RALA: variants seen among roughly 807,000 people sequenced by gnomAD.
RALA encodes the protein ras-related protein Ral-A.
RALA carries 5 observed loss-of-function variants against 24.0 expected under a neutral mutation model. The observed-to-expected ratio is 0.21, with a 90% CI of 0.11 to 0.44. The LOEUF (loss-of-function observed/expected upper bound fraction) is 0.44. Among genes scored for constraint, RALA ranks in the 20% least tolerant of loss-of-function variants. The pLI, the probability that RALA is intolerant of heterozygous loss-of-function variation, is 0.99. For missense variants in RALA, 95 were observed against 241.2 expected (o/e 0.39, Z 4.01); for synonymous variants, 77 against 83.8 (o/e 0.92, Z 0.44).
intron 1 of RALA, among the ~76,000 whole-genome samples, chr7:39,631,408 G>A (rs1791597002): frequency 6.6e-6 from 1 of 152,006 alleles, no homozygotes; most frequent in South Asian, 2.1e-4. Context: ...GCCCAGGCTG[G>A]AGTGCAGTGG....
intron 1 of RALA, among the ~76,000 whole-genome samples, chr7:39,635,261 G>C (rs939423627): frequency 2.0e-5 from 3 of 152,222 alleles, no homozygotes; most frequent in Admixed American, 1.3e-4. Flanking sequence ...TGTAGTCCTA[G>C]CTACTCGGGA....
chr7:39,698,632 C>T (rs187712164), intron 4 of RALA, among the ~76,000 whole-genome samples: 152 of 152,176 alleles, frequency 1.0e-3, no homozygotes, highest in African/African-American at 3.6e-3. Context: ...CTTTTCTAAT[C>T]GATGTTTCGA....
chr7:39,697,407 G>C, intron 4 of RALA: 1 of 456,680 alleles, frequency 2.2e-6, no homozygotes, highest in Non-Finnish European at 4.4e-6. Context: ...GCTTTGTTCA[G>C]AGTGGCCCTT....
In RALA at chr7:39,702,335, T is replaced by G. The variant is rs958377133; in HGVS notation, c.499-3788T>G. On this transcript the variant is annotated intron_variant, in intron 4 of 4. Transcript: ENST00000005257. Reference sequence around the variant, plus strand: ...CTAAGGGAAAGTTTGCATTTGCTTGTTTTTTCTTCCTGTATTAATAGGATT... The same window carrying G: ...CTAAGGGAAAGTTTGCATTTGCTTGGTTTTTCTTCCTGTATTAATAGGATT... 2.0e-5 allele frequency among the ~76,000 whole-genome samples: 3 copies of G among 152,292 alleles called. 1 individual carries two copies. In the Middle Eastern group the frequency reaches 0.01, roughly 518 times the overall value.
At chr7:39,692,754 T>C (rs1792845028) in intron 3 of RALA, among the ~76,000 whole-genome samples, 1 of 152,190 alleles carries the variant, frequency 6.6e-6, no homozygotes, top group Non-Finnish European at 1.5e-5. Flanking sequence ...TTAGTAGGTA[T>C]TTATTAAGAA....
chr7:39,629,478 G>A (rs534871054), intron 1 of RALA, among the ~76,000 whole-genome samples: 14 of 151,882 alleles, frequency 9.2e-5, no homozygotes, highest in South Asian at 2.1e-4. Context: ...GCAGTGGCAC[G>A]ATCTCTGCTC....
chr7:39,663,251 G>A (rs1390157877), intron 1 of RALA, among the ~76,000 whole-genome samples: 1 of 152,180 alleles, frequency 6.6e-6, no homozygotes, highest in Non-Finnish European at 1.5e-5. Flanking sequence ...TAAAGATTCA[G>A]TATTAAATTA....
chr7:39,685,361 C>G (rs1181844835), intron 1 of RALA, among the ~76,000 whole-genome samples: 2 of 152,150 alleles, frequency 1.3e-5, no homozygotes, highest in African/African-American at 4.8e-5. Context: ...AAGATTGGCC[C>G]AAGATAGAGA....
Position 39,706,302 on chromosome 7 carries a change from A to G in RALA, c.*57A>G. On this transcript the variant is annotated 3_prime_UTR_variant, in exon 5 of 5. Transcript: ENST00000005257. Reference sequence around the variant, plus strand: ...ATACTAATAAATATAATTTATAAGCATTGCCATTGAAGGCTTAATTGACTG... The same window carrying G: ...ATACTAATAAATATAATTTATAAGCGTTGCCATTGAAGGCTTAATTGACTG... The G allele has an allele frequency of 6.6e-7, 1 of 1,520,206 alleles. No individual in the cohort carries two copies. The highest frequency in any genetic ancestry group is 8.8e-7 in the Non-Finnish European group (1 of 1,131,576). The allele number at this position is 1,520,206 out of a possible 1,614,324, so 94.2% of individuals were successfully genotyped here.
chr7:39,645,762 G>A (rs976171791), intron 1 of RALA, among the ~76,000 whole-genome samples: 1 of 152,182 alleles, frequency 6.6e-6, no homozygotes, highest in African/African-American at 2.4e-5. Context: ...ACAGGAGGAC[G>A]AATAGGAATT....
intron 1 of RALA, among the ~76,000 whole-genome samples, chr7:39,626,792 T>A (rs1373046265): frequency 6.6e-6 from 1 of 152,232 alleles, no homozygotes. Context: ...TCACATTTTT[T>A]TTAGTTCGTT....
chr7:39,630,007 G>C (rs1791563960), intron 1 of RALA, among the ~76,000 whole-genome samples: 1 of 152,024 alleles, frequency 6.6e-6, no homozygotes, highest in Non-Finnish European at 1.5e-5. Context: ...AGGATTACAG[G>C]CGTGAGCCAC....
rs536543697 is a variant in RALA, at chr7:39,623,824, A to C, written c.-39A>C. On this transcript the variant is annotated splice_region_variant and 5_prime_UTR_variant, in exon 1 of 5. Coordinates refer to ENST00000005257, the MANE Select transcript of RALA (RefSeq NM_005402.4). This position sits in a 1 kb window ranked among gnomAD's most constrained non-coding sequence, Gnocchi z 4.9. ...GGGGCGGCGGACTGGCTCGCGGTGC[A>C]GGTGAGCGATGCCCGCTCGGGCCGC... 6.6e-6 allele frequency: 1 copy of C among 151,880 alleles called. No homozygotes were observed. Among genetic ancestry groups the C allele is most frequent in the East Asian group, 2.0e-4 (1 of 5,104 alleles). 9.4% of individuals were successfully genotyped at this position (151,880 alleles called of 1,614,324 possible).
At chr7:39,633,834 A>C (rs1174565782) in intron 1 of RALA, among the ~76,000 whole-genome samples, 1 of 152,210 alleles carries the variant, frequency 6.6e-6, no homozygotes, top group African/African-American at 2.4e-5. Flanking sequence ...AGCATCCTGC[A>C]CATGTTCCAT....
chr7:39,656,315 C>G (rs375978776), intron 1 of RALA, among the ~76,000 whole-genome samples: 1 of 152,194 alleles, frequency 6.6e-6, no homozygotes, highest in African/African-American at 2.4e-5. Flanking sequence ...CAGGTCCCAT[C>G]TATTCATGTT....
At chr7:39,629,982 G>A (rs767140232) in intron 1 of RALA, among the ~76,000 whole-genome samples, 1 of 152,120 alleles carries the variant, frequency 6.6e-6, no homozygotes, top group East Asian at 1.9e-4. Context: ...GTCCACCTCA[G>A]CCTCCCCAAG....
At chr7:39,678,559 A>G (rs1267263950) in intron 1 of RALA, among the ~76,000 whole-genome samples, 2 of 152,232 alleles carry the variant, frequency 1.3e-5, no homozygotes, top group Non-Finnish European at 1.5e-5. Context: ...AATAGGTTCT[A>G]TAGTATTATT....
chr7:39,683,401 T>C (rs552375496), intron 1 of RALA, among the ~76,000 whole-genome samples: 205 of 152,332 alleles, frequency 1.3e-3, no homozygotes, highest in Non-Finnish European at 2.4e-3. Flanking sequence ...ATGCCACCTC[T>C]TCAGAGTCAT....
intron 1 of RALA, among the ~76,000 whole-genome samples, chr7:39,627,447 T>C (rs1164163005): frequency 6.6e-6 from 1 of 152,220 alleles, no homozygotes; most frequent in Non-Finnish European, 1.5e-5. Context: ...AACACTGACA[T>C]ACATAGTCTC....
Sources: allele counts gnomAD v4.1 joint callset (sites outside exome capture counted in the v4.1 genomes callset), GRCh38; gene constraint gnomAD v4.1.1; non-coding constraint Gnocchi (gnomAD v3.1); transcripts MANE v1.5; gene names NCBI Gene and HGNC (gene_info 2026-07-23, HGNC 2026-07-21).